The following DMD variants were observed in gnomAD, a reference collection of about 807,000 sequenced individuals.
DMD encodes the protein dystrophin.
Under a neutral mutation model 330.1 loss-of-function variants are expected in DMD, and 63 were observed. The ratio of observed to expected loss-of-function variants is 0.19; its 90% CI spans 0.16 to 0.24. The LOEUF (loss-of-function observed/expected upper bound fraction) is 0.24, where lower values mean the gene tolerates loss of function less well. Ranked by LOEUF, DMD falls within the 10% of genes least tolerant of loss-of-function variation. The pLI is 1.00. For missense variants in DMD, 3,344 were observed against 2,684.1 expected, an observed-to-expected ratio of 1.25 and a Z score of -5.43; for synonymous variants, 1,223 against 959.8, an observed-to-expected ratio of 1.27 and a Z score of -5.07.
At chrX:32,352,498 C>A (rs2097785322) in intron 37 of DMD, among the ~76,000 whole-genome samples, 2 of 110,745 alleles carry the variant, frequency 1.8e-5, no homozygotes, top group South Asian at 3.7e-4. Flanking sequence ...AAAACCCACA[C>A]ATATTTTACA....
chrX:32,898,737 CA>C (rs2085954117), intron 2 of DMD, among the ~76,000 whole-genome samples: 1 of 111,149 alleles, frequency 9.0e-6, no homozygotes, highest in South Asian at 3.9e-4. Context: ...TGCTGGGGAT[CA>C]CTTTTGTTGC....
intron 60 of DMD, among the ~76,000 whole-genome samples, chrX:31,382,314 T>C (rs1479638437): frequency 1.8e-5 from 2 of 111,258 alleles, no homozygotes; most frequent in Non-Finnish European, 3.8e-5. Context: ...CCAGTCTCAT[T>C]CCAGACACCA....
At chrX:31,340,366 A>T (rs993292294) in intron 61 of DMD, among the ~76,000 whole-genome samples, 13 of 112,680 alleles carry the variant, frequency 1.2e-4, no homozygotes, top group Non-Finnish European at 2.3e-4. Context: ...ACTGGTTAAA[A>T]GCTGGAGTAT....
chrX:32,072,180 G>A (rs764566729), intron 44 of DMD, among the ~76,000 whole-genome samples: 1 of 111,110 alleles, frequency 9.0e-6, no homozygotes, highest in Admixed American at 9.6e-5. Context: ...TATCTTGAGC[G>A]GTTGGGTGCT....
At chrX:33,271,025 G>A (rs2053145361) in intron 1 of DMD, among the ~76,000 whole-genome samples, 1 of 111,290 alleles carries the variant, frequency 9.0e-6, no homozygotes, top group African/African-American at 3.3e-5. Context: ...ATTTAAAAAG[G>A]TGTTATTTGT....
intron 62 of DMD, among the ~76,000 whole-genome samples, chrX:31,315,417 G>T: frequency 9.0e-6 from 1 of 111,672 alleles, no homozygotes; most frequent in Middle Eastern, 4.6e-3. Flanking sequence ...TGGCTCAAAC[G>T]AACAGAGTTG....
intron 44 of DMD, among the ~76,000 whole-genome samples, chrX:32,052,508 C>T (rs7059099): frequency 0.25 from 27,293 of 110,025 alleles, 3,462 homozygotes; most frequent in African/African-American, 0.49. Flanking sequence ...CCCACTTTAC[C>T]GGTCTTCTCA....
chrX:31,709,586 G>GTC (rs553310699), intron 52 of DMD, among the ~76,000 whole-genome samples: 321 of 70,877 alleles, frequency 4.5e-3, no homozygotes, highest in African/African-American at 0.023. Flanking sequence ...CTCTCTGTCT[G>GTC]TGTGTGTGTG....
At chrX:31,371,270 T>C (rs187125564) in intron 60 of DMD, among the ~76,000 whole-genome samples, 1 of 111,263 alleles carries the variant, frequency 9.0e-6, no homozygotes, top group East Asian at 2.8e-4. Flanking sequence ...CAGTAATGTA[T>C]CAATGACTGA....
chrX:31,247,109 C>A (rs1489838845), intron 63 of DMD, among the ~76,000 whole-genome samples: 1 of 111,732 alleles, frequency 8.9e-6, no homozygotes, highest in Non-Finnish European at 1.9e-5. Context: ...ACTGACAATG[C>A]ACCTTGTCAC....
chrX:32,616,776 G>T (rs756433563), intron 11 of DMD, among the ~76,000 whole-genome samples: 2 of 100,146 alleles, frequency 2.0e-5, no homozygotes, highest in Admixed American at 2.2e-4. Flanking sequence ...TGCTTCTAGG[G>T]TGTTGTAGCT....
chrX:31,639,050 C>G (rs913769648), intron 54 of DMD, among the ~76,000 whole-genome samples: 1 of 111,832 alleles, frequency 8.9e-6, no homozygotes, highest in African/African-American at 3.2e-5. Flanking sequence ...ATGGTAATTT[C>G]ATTTAGTCTT....
chrX:32,293,962 T>C (rs1439825060), intron 42 of DMD, among the ~76,000 whole-genome samples: 3 of 112,090 alleles, frequency 2.7e-5, no homozygotes, highest in Non-Finnish European at 5.6e-5. Context: ...TTTACTACCA[T>C]CTTCTGATGG....
rs958064264 is a variant in DMD at position 32,069,894 on chromosome X, C to T, written c.6439-101380G>A. 1.6e-4 allele frequency among the ~76,000 whole-genome samples: 18 copies of T among 111,714 alleles called. 1 individual carries two copies. The highest frequency in any genetic ancestry group is 3.8e-5 in the Non-Finnish European group (2 of 53,156). ...TGCATTCCAGAAATTAAACCATCAG[C>T]AACGTGTTGCTACATTTTCACCCTA... On this transcript the variant is annotated intron_variant, in intron 44 of 78. Coordinates refer to ENST00000357033, the MANE Select transcript of DMD (RefSeq NM_004006.3).
chrX:32,507,682 T>A (rs1319280017), intron 18 of DMD, among the ~76,000 whole-genome samples: 11 of 111,703 alleles, frequency 9.8e-5, no homozygotes. Context: ...CAGAGAGGTT[T>A]GTGAAAATTT....
At chrX:32,535,789 C>A (rs2047895826) in intron 17 of DMD, among the ~76,000 whole-genome samples, 1 of 111,511 alleles carries the variant, frequency 9.0e-6, no homozygotes. Context: ...TGGAAAATCC[C>A]TCATCAACAT....
rs200449126 is a variant in DMD at position 32,917,981 on chromosome X, G to GA, written c.94-68162dup. On this transcript the variant is annotated intron_variant, in intron 2 of 78. Coordinates refer to ENST00000357033, the MANE Select transcript of DMD (RefSeq NM_004006.3). ...TAAACTCAATAACATTCATCTGCTA[G>GA]AAAAAAAAAAAAAAAGAAAGAAAAG... is the stretch of plus-strand genomic sequence containing the variant. 4.0e-3 allele frequency among the ~76,000 whole-genome samples: 354 copies of GA among 88,204 alleles called. 2 individuals carry two copies. The highest frequency in any genetic ancestry group is 9.4e-3 in the African/African-American group (212 of 22,622). The allele number at this position is 88,204 out of a possible 115,157, so 76.6% of individuals were successfully genotyped here. A position where few individuals can be genotyped will look rare whatever the true frequency, so the allele number is the denominator to read the frequency against.
At chrX:32,048,323 G>A (rs1360532133) in intron 44 of DMD, among the ~76,000 whole-genome samples, 1 of 105,093 alleles carries the variant, frequency 9.5e-6, no homozygotes, top group East Asian at 3.0e-4. Flanking sequence ...TCATCTGGAG[G>A]CCTCCGTTCC....
At chrX:33,257,940 T>A (rs1437387827) in intron 1 of DMD, among the ~76,000 whole-genome samples, 2 of 111,073 alleles carry the variant, frequency 1.8e-5, no homozygotes, top group Non-Finnish European at 3.8e-5. Flanking sequence ...CAAACTGTTG[T>A]ATCTAAAGAT....
Sources: gnomAD v4.1 joint callset for allele counts (sites outside exome capture counted in the v4.1 genomes callset) on GRCh38, gnomAD v4.1.1 for gene constraint, MANE v1.5 for transcripts, NCBI Gene and HGNC (gene_info 2026-07-23, HGNC 2026-07-21) for gene names.